The following NPC1 variants were observed in gnomAD, a reference collection of about 807,000 sequenced individuals.
The protein encoded by NPC1 is Niemann-Pick C1 protein.
A neutral mutation model predicts 140.4 loss-of-function variants in NPC1; 85 were observed. The observed-to-expected ratio is 0.61, with a 90% CI of 0.51 to 0.72. The LOEUF is 0.72. NPC1 is among the 30% of genes least tolerant of loss of function. NPC1 has a pLI of 0.00. For synonymous variants in NPC1, 656 were observed against 624.8 expected (o/e 1.05, Z -0.74); for missense variants, 1,504 against 1,623.8 (o/e 0.93, Z 1.27).
At chr18:23,520,317 A>G, downstream of NPC1, 1 of 1,608,562 alleles carries the variant, frequency 6.2e-7, no homozygotes, top group Non-Finnish European at 8.5e-7. Flanking sequence ...ATCACAGGTA[A>G]CACGGGTTCT....
intron 10 of NPC1, among the ~76,000 whole-genome samples, chr18:23,550,475 A>ATTTTTTTTTTT (rs1491268509): frequency 3.7e-5 from 2 of 53,502 alleles, no homozygotes; most frequent in African/African-American, 9.8e-5. Context: ...CAGTTCTTAC[A>ATTTTTTTTTTT]TTTCTTTTTT....
At chr18:23,557,696 C>T (rs186924997) in intron 6 of NPC1, among the ~76,000 whole-genome samples, 65 of 152,144 alleles carry the variant, frequency 4.3e-4, no homozygotes, top group African/African-American at 1.4e-3. Context: ...GAGCTGAGAT[C>T]GCGCCACTGC....
intron 1 of NPC1, among the ~76,000 whole-genome samples, chr18:23,575,769 C>CAA (rs35922440): frequency 0.035 from 1,214 of 35,054 alleles, 109 homozygotes; most frequent in Non-Finnish European, 0.053. Flanking sequence ...CAGAGAAGAC[C>CAA]AAAAAAAAAA....
At position 23,534,534 on chromosome 18, in the gene NPC1, C is replaced by T. The variant is rs1555631998; in HGVS notation, c.3503G>A (p.Cys1168Tyr). 1.2e-6 allele frequency: 2 copies of T among 1,614,062 alleles called. No homozygotes were observed. Among genetic ancestry groups the T allele is most frequent in the South Asian group, 2.2e-5 (2 of 91,060 alleles). The part of the protein sequence containing the change: ...VMSCGISVEF[C>Y]SHITRAFTVS... ...CGTGAACGCTCTGGTTATGTGGCTGCAGAACTCCACGGAGATGCCACAGCT... is the reference window on the plus strand; with the variant it reads ...CGTGAACGCTCTGGTTATGTGGCTGTAGAACTCCACGGAGATGCCACAGCT... Residue 1168 changes from cysteine (C) to tyrosine (Y), a missense_variant, in exon 23 of 25, where the codon TGC becomes TAC. Cys to Tyr is a radical substitution (Grantham distance 194). Transcript: ENST00000269228.
downstream of NPC1, among the ~76,000 whole-genome samples, chr18:23,525,730 T>G (rs1426918879): frequency 1.3e-5 from 2 of 152,176 alleles, no homozygotes; most frequent in African/African-American, 2.4e-5. Context: ...GCCTATAATT[T>G]TTTTTTTGTA....
chr18:23,560,194 GCT>G (rs1567969025), intron 6 of NPC1, 35 bp downstream of exon 6: 1 of 1,613,404 alleles, frequency 6.2e-7, no homozygotes, highest in Non-Finnish European at 8.5e-7. Context: ...GGGCAATTTT[GCT>G]CTTTTTGCCC....
chr18:23,577,798 C>A (rs1325625515), intron 1 of NPC1, among the ~76,000 whole-genome samples: 3 of 152,230 alleles, frequency 2.0e-5, no homozygotes, highest in Non-Finnish European at 4.4e-5. Flanking sequence ...CAAGGCCCAG[C>A]GAGAAATCGA....
chr18:23,516,173 G>T, intron 3 of NPC1: 1 of 1,285,028 alleles, frequency 7.8e-7, no homozygotes. Context: ...TTCTATGCTG[G>T]GCAGACAGGC....
chr18:23,570,381 A>ACCGT (rs1243146526), intron 3 of NPC1, among the ~76,000 whole-genome samples: 3 of 152,144 alleles, frequency 2.0e-5, no homozygotes, highest in Non-Finnish European at 4.4e-5. Context: ...ATCCTAAATA[A>ACCGT]ATGTGTTTTG....
At position 23,541,356 on chromosome 18, in the gene NPC1, G is replaced by A. The variant is rs1338210490; in HGVS notation, c.2323C>T (p.Gln775Ter). ...AAGAGACTCACGAAACAGGTAATCT[G>A]CAGAAGAAAGTCAATGAAGACTGCC... ...GLAVFIDFLLQITCFVSLLGL... is the reference protein window; with the variant it reads ...GLAVFIDFLL The change falls in exon 15 of 25, where the codon CAG becomes TAG. Residue 775 changes from glutamine (Q) to a stop codon, truncating the protein, a stop_gained. Transcript: ENST00000269228. LOFTEE classifies it high-confidence loss of function. The A allele has an allele frequency of 1.2e-6, 2 of 1,614,110 alleles. No individual in the cohort carries two copies. Among genetic ancestry groups the A allele is most frequent in the Non-Finnish European group, 1.7e-6 (2 of 1,180,044 alleles).
At chr18:23,566,050 C>T (rs1355366265) in intron 4 of NPC1, among the ~76,000 whole-genome samples, 2 of 152,028 alleles carry the variant, frequency 1.3e-5, no homozygotes, top group Non-Finnish European at 2.9e-5. Flanking sequence ...TTCTCATTTC[C>T]TCATTACCCA....
chr18:23,573,193 G>C (rs1009700751), intron 2 of NPC1, among the ~76,000 whole-genome samples: 5 of 152,188 alleles, frequency 3.3e-5, no homozygotes, highest in Admixed American at 6.5e-5. Context: ...GAAGTACCAA[G>C]GTCAGTCTCT....
At chr18:23,568,762 A>G in intron 4 of NPC1, 61 bp downstream of exon 4, 2 of 1,357,712 alleles carry the variant, frequency 1.5e-6, no homozygotes, top group Non-Finnish European at 2.1e-6. Flanking sequence ...ACTAAAAGGA[A>G]CAATTTGCTC....
At chr18:23,512,144 C>A (rs1031209072) in intron 3 of NPC1, among the ~76,000 whole-genome samples, 2 of 151,778 alleles carry the variant, frequency 1.3e-5, no homozygotes, top group Non-Finnish European at 2.9e-5. Flanking sequence ...CCTCAGCCTC[C>A]CAAGTAGCTG....
At chr18:23,583,199 C>A (rs559781541) in intron 1 of NPC1, among the ~76,000 whole-genome samples, 3 of 151,344 alleles carry the variant, frequency 2.0e-5, no homozygotes, top group African/African-American at 7.3e-5. Context: ...TCTTAAGGAG[C>A]CTGCAATTCG....
intron 1 of NPC1, among the ~76,000 whole-genome samples, chr18:23,578,877 C>T (rs1362183953): frequency 1.3e-5 from 2 of 152,272 alleles, no homozygotes; most frequent in East Asian, 3.8e-4. Flanking sequence ...ACCTATCGCT[C>T]ACTCCCAGGG....
chr18:23,541,025 G>A (rs1202221042), intron 16 of NPC1, 43 bp downstream of exon 16: 1 of 1,607,392 alleles, frequency 6.2e-7, no homozygotes, highest in Non-Finnish European at 8.5e-7. Context: ...GTGATAATCT[G>A]TTTCAGTGAG....
chr18:23,534,166 C>CG (rs2058588469), intron 23 of NPC1: 1 of 550,664 alleles, frequency 1.8e-6, no homozygotes, highest in Non-Finnish European at 3.3e-6. Flanking sequence ...CCCGGGCTCC[C>CG]CTGCATTTTA....
In NPC1 at chr18:23,535,752, T is replaced by C. The variant is rs538244359; in HGVS notation, c.3246-52A>G. The C allele has an allele frequency of 5.9e-5, 69 of 1,176,244 alleles. No homozygotes were observed. In the South Asian group the frequency reaches 8.2e-4, roughly 14 times the overall value. 72.9% of individuals were successfully genotyped at this position (1,176,244 alleles called of 1,614,324 possible). ...AAAGCTCGCTCTCACTCCCGAACAC[T>C]GCGTGTTCATCCTGTCACCACTGCC... is the stretch of plus-strand genomic sequence containing the variant. On this transcript the variant is annotated intron_variant, in intron 21 of 24. Coordinates refer to ENST00000269228, the MANE Select transcript of NPC1 (RefSeq NM_000271.5).
Sources: allele counts gnomAD v4.1 joint callset (sites outside exome capture counted in the v4.1 genomes callset), GRCh38; gene constraint gnomAD v4.1.1; transcripts MANE v1.5; gene names NCBI Gene and HGNC (gene_info 2026-07-23, HGNC 2026-07-21).